The following CFDP1 variants were observed in gnomAD, a reference collection of about 807,000 sequenced individuals.
CFDP1 encodes the protein chromatin remodeling protein CFDP1, also known as heterochromatin-stabilizing protein CFDP1.
CFDP1 carries 31 observed loss-of-function variants against 40.1 expected under a neutral mutation model. That is an observed-to-expected ratio of 0.77 (90% CI 0.58 to 1.04). The LOEUF (loss-of-function observed/expected upper bound fraction) is 1.04. CFDP1 is among the 50% of genes least tolerant of loss of function. CFDP1 has a pLI of 0.00. For synonymous variants in CFDP1, 167 were observed against 120.0 expected (o/e 1.39, Z -2.56); for missense variants, 423 against 343.4 (o/e 1.23, Z -1.83).
rs370286205 is a variant in CFDP1, at chr16:75,313,379, G to T, written c.651-8197C>A. 1.1e-4 allele frequency among the ~76,000 whole-genome samples: 16 copies of T among 152,320 alleles called. No homozygotes were observed. The South Asian group carries it at 3.1e-3, about 30-fold the overall frequency. Reference sequence around the variant, plus strand: ...GGGTCTCGCTCTGTCACCCAGGCTGGAGTGCAGTGGCGTGGTCTCGGCTCA... The same window carrying T: ...GGGTCTCGCTCTGTCACCCAGGCTGTAGTGCAGTGGCGTGGTCTCGGCTCA... On this transcript the variant is annotated intron_variant, in intron 5 of 6. Coordinates refer to ENST00000283882, the MANE Select transcript of CFDP1 (RefSeq NM_006324.3).
intron 1 of CFDP1, among the ~76,000 whole-genome samples, chr16:75,427,258 C>CT (rs990252963): frequency 4.0e-5 from 6 of 150,266 alleles, no homozygotes; most frequent in African/African-American, 1.2e-4. Flanking sequence ...AATTTTTTTT[C>CT]TTTTTTTTTC....
chr16:75,354,246 T>A (rs1455436682), intron 5 of CFDP1, among the ~76,000 whole-genome samples: 1 of 152,222 alleles, frequency 6.6e-6, no homozygotes, highest in Non-Finnish European at 1.5e-5. Context: ...TCAACGTATA[T>A]TTTCAACTTA....
chr16:75,390,628 C>A (rs2078940338), intron 5 of CFDP1, among the ~76,000 whole-genome samples: 1 of 152,248 alleles, frequency 6.6e-6, no homozygotes, highest in Non-Finnish European at 1.5e-5. Context: ...ACAGTTTTAA[C>A]AAGTGTCAGA....
At chr16:75,414,424 A>G (rs2079187109) in intron 2 of CFDP1, among the ~76,000 whole-genome samples, 154 bp downstream of exon 2, 1 of 152,218 alleles carries the variant, frequency 6.6e-6, no homozygotes, top group African/African-American at 2.4e-5. Flanking sequence ...CCAGAGACCA[A>G]GAAGTTAATC....
chr16:75,294,146 CGA>C, intron 6 of CFDP1, 104 bp from the exon 7 acceptor site: 1 of 801,648 alleles, frequency 1.2e-6, no homozygotes, highest in South Asian at 1.5e-5. Context: ...TAAATGGTGC[CGA>C]GAGTGACCAC....
chr16:75,352,087 T>C (rs2078616720), intron 5 of CFDP1, among the ~76,000 whole-genome samples: 1 of 146,210 alleles, frequency 6.8e-6, no homozygotes, highest in African/African-American at 2.6e-5. Context: ...ACACCTGTAA[T>C]CCCAGCACTC....
intron 6 of CFDP1, among the ~76,000 whole-genome samples, chr16:75,303,179 A>G (rs1448313828): frequency 6.7e-6 from 1 of 148,200 alleles, no homozygotes; most frequent in Non-Finnish European, 1.5e-5. Flanking sequence ...CAGCCTGCCC[A>G]ACATGGTGAA....
chr16:75,358,326 C>G (rs2078659568), intron 5 of CFDP1, among the ~76,000 whole-genome samples: 1 of 152,012 alleles, frequency 6.6e-6, no homozygotes, highest in African/African-American at 2.4e-5. Flanking sequence ...ATGAGGCATG[C>G]CTACATATAG....
At chr16:75,416,214 G>C (rs948162009) in intron 1 of CFDP1, among the ~76,000 whole-genome samples, 2 of 151,940 alleles carry the variant, frequency 1.3e-5, no homozygotes, top group African/African-American at 4.8e-5. Context: ...CTTGAGAAAA[G>C]CCTCCAATAT....
At chr16:75,300,789 T>A (rs1597317047) in intron 6 of CFDP1, among the ~76,000 whole-genome samples, 1 of 151,530 alleles carries the variant, frequency 6.6e-6, no homozygotes, top group Non-Finnish European at 1.5e-5. Flanking sequence ...GGGCAGGGGA[T>A]ACTTTTTTTT....
chr16:75,337,983 A>G (rs2078501257), intron 5 of CFDP1, among the ~76,000 whole-genome samples: 1 of 152,172 alleles, frequency 6.6e-6, no homozygotes, highest in Admixed American at 6.5e-5. Context: ...ACCTTCTCAG[A>G]GCCAATCAAC....
intron 5 of CFDP1, among the ~76,000 whole-genome samples, chr16:75,314,261 G>A (rs1197835474): frequency 6.6e-6 from 1 of 152,112 alleles, no homozygotes; most frequent in Non-Finnish European, 1.5e-5. Flanking sequence ...AGTAAGATAA[G>A]TTACTTAATG....
intron 5 of CFDP1, among the ~76,000 whole-genome samples, chr16:75,347,141 G>A (rs777718318): frequency 2.6e-5 from 4 of 151,160 alleles, no homozygotes; most frequent in Non-Finnish European, 4.4e-5. Context: ...GTCAGAGTTC[G>A]ACAACAGCCT....
intron 5 of CFDP1, among the ~76,000 whole-genome samples, chr16:75,307,252 G>A (rs2078264999): frequency 6.6e-6 from 1 of 151,466 alleles, no homozygotes; most frequent in South Asian, 2.1e-4. Context: ...TTTCTCTCTT[G>A]TTGCCCAGGC....
intron 5 of CFDP1, among the ~76,000 whole-genome samples, chr16:75,373,366 A>G (rs1199268056): frequency 6.6e-6 from 1 of 152,234 alleles, no homozygotes; most frequent in East Asian, 1.9e-4. Context: ...GACTGGCCTT[A>G]TACCAAGTTT....
intron 5 of CFDP1, among the ~76,000 whole-genome samples, chr16:75,306,943 C>T (rs902855337): frequency 2.0e-5 from 3 of 151,934 alleles, no homozygotes; most frequent in East Asian, 1.9e-4. Flanking sequence ...TTACCAGGAA[C>T]GGAGCATGAG....
At chr16:75,420,842 ATTTT>A (rs996599640) in intron 1 of CFDP1, among the ~76,000 whole-genome samples, 1 of 151,866 alleles carries the variant, frequency 6.6e-6, no homozygotes, top group Admixed American at 6.6e-5. Context: ...TAGTTCAACT[ATTTT>A]TTTTATTTTT....
At chr16:75,359,983 C>T (rs144507917) in intron 5 of CFDP1, among the ~76,000 whole-genome samples, 85 of 152,286 alleles carry the variant, frequency 5.6e-4, no homozygotes, top group African/African-American at 2.0e-3. Flanking sequence ...TAGCTCACTG[C>T]AGCCTCAAAC....
chr16:75,421,233 CAG>C (rs2079276659), intron 1 of CFDP1, among the ~76,000 whole-genome samples: 1 of 152,162 alleles, frequency 6.6e-6, no homozygotes, highest in South Asian at 2.1e-4. Context: ...TCTGGCCTTG[CAG>C]AGTCCCTGTT....
Sources: allele counts gnomAD v4.1 joint callset (sites outside exome capture counted in the v4.1 genomes callset), GRCh38; gene constraint gnomAD v4.1.1; transcripts MANE v1.5; gene names NCBI Gene and HGNC (gene_info 2026-07-23, HGNC 2026-07-21).